SYN3: variants seen among roughly 807,000 people sequenced by gnomAD.
The protein encoded by SYN3 is synapsin III, also known as synapsin-3.
Under a neutral mutation model 65.8 loss-of-function variants are expected in SYN3, and 35 were observed. That is an observed-to-expected ratio of 0.53 (90% CI 0.41 to 0.70). SYN3 has a LOEUF of 0.70. SYN3 is among the 30% of genes least tolerant of loss of function. The pLI is 0.00. For synonymous variants in SYN3, 270 were observed against 292.9 expected, an observed-to-expected ratio of 0.92 and a Z score of 0.80; for missense variants, 680 against 749.0, an observed-to-expected ratio of 0.91 and a Z score of 1.08.
At chr22:32,802,245 G>A (rs2046608947) in intron 6 of SYN3, 3 of 1,394,712 alleles carry the variant, frequency 2.2e-6, no homozygotes, top group South Asian at 2.8e-5. Flanking sequence ...CGGGGTTGGG[G>A]CGGAGTGGAG....
At chr22:32,944,197 G>A (rs1330074789) in intron 3 of SYN3, among the ~76,000 whole-genome samples, 1 of 152,158 alleles carries the variant, frequency 6.6e-6, no homozygotes, top group African/African-American at 2.4e-5. Context: ...ATAGTTGGAA[G>A]TAAAGCACTC....
chr22:32,831,099 A>G (rs917175800), intron 6 of SYN3, among the ~76,000 whole-genome samples: 2 of 152,190 alleles, frequency 1.3e-5, no homozygotes, highest in African/African-American at 2.4e-5. Context: ...GGCTAGGTTC[A>G]GGTTGGGCTG....
At chr22:32,885,515 C>T (rs62234167) in intron 4 of SYN3, among the ~76,000 whole-genome samples, 8,896 of 152,042 alleles carry the variant, frequency 0.059, 287 homozygotes, top group Middle Eastern at 0.099. Context: ...AGAATCCTCC[C>T]GGCAGGTACA....
chr22:32,544,997 C>T (rs2058315677), intron 7 of SYN3, among the ~76,000 whole-genome samples: 3 of 152,232 alleles, frequency 2.0e-5, no homozygotes, highest in South Asian at 2.1e-4. Flanking sequence ...TCTCTCCTCT[C>T]CCTGGCATCT....
At position 32,648,416 on chromosome 22, in the gene SYN3, A is replaced by T. The variant is rs142780874; in HGVS notation, c.712-51680T>A. On this transcript the variant is annotated intron_variant, in intron 6 of 13. Coordinates refer to ENST00000358763, the MANE Select transcript of SYN3 (RefSeq NM_003490.4). ...AATAGGTTTATTGAAGATAAAACTT[A>T]AAAATATCAATAATTATATGAATTA... Among the ~76,000 whole-genome samples the T allele has an allele frequency of 2.8e-3, 420 of 152,356 alleles. 2 individuals are homozygous for T. The highest frequency in any genetic ancestry group is 9.4e-3 in the African/African-American group (390 of 41,580).
chr22:32,871,806 T>A lies in SYN3; in HGVS notation c.462-2681A>T, dbSNP rs900439988. 2.0e-5 allele frequency among the ~76,000 whole-genome samples: 3 copies of A among 152,040 alleles called. No homozygotes were observed. In the East Asian group the frequency reaches 5.8e-4, roughly 29 times the overall value. ...AATTTATTTTATTATTATTTTTTATTTTTTGTAGAGATGAGATTTTGCTGT... is the reference window on the plus strand; with the variant it reads ...AATTTATTTTATTATTATTTTTTATATTTTGTAGAGATGAGATTTTGCTGT... On this transcript the variant is annotated intron_variant, in intron 4 of 13. Coordinates refer to ENST00000358763, the MANE Select transcript of SYN3 (RefSeq NM_003490.4).
chr22:32,850,808 T>C (rs1055390781), intron 6 of SYN3, among the ~76,000 whole-genome samples: 1 of 152,066 alleles, frequency 6.6e-6, no homozygotes, highest in Non-Finnish European at 1.5e-5. Context: ...CCCACAGGCC[T>C]GGAAACTCCC....
intron 3 of SYN3, among the ~76,000 whole-genome samples, chr22:32,977,565 GA>G (rs2052239562): frequency 6.6e-6 from 1 of 152,006 alleles, no homozygotes; most frequent in Non-Finnish European, 1.5e-5. Context: ...ACAACATGGT[GA>G]AACCCCATCT....
chr22:32,830,963 C>T (rs1350423962), intron 6 of SYN3, among the ~76,000 whole-genome samples: 2 of 151,152 alleles, frequency 1.3e-5, no homozygotes, highest in Admixed American at 6.6e-5. Context: ...GTTTTTTTTT[C>T]CCCAACCAGG....
intron 6 of SYN3, among the ~76,000 whole-genome samples, chr22:32,597,006 T>C (rs1332195976): frequency 6.6e-6 from 1 of 152,096 alleles, no homozygotes. Context: ...ACCAACTGGT[T>C]TCCAATCTTG....
intron 6 of SYN3, among the ~76,000 whole-genome samples, chr22:32,805,532 A>G (rs553040785): frequency 4.9e-4 from 74 of 152,252 alleles, no homozygotes; most frequent in African/African-American, 1.8e-3. Context: ...CCATGGAAGG[A>G]GGAGAGCTGC....
chr22:32,991,338 AAATAATAAT>A (rs60884096), intron 2 of SYN3, among the ~76,000 whole-genome samples: 67 of 142,610 alleles, frequency 4.7e-4, no homozygotes, highest in South Asian at 9.0e-4. Context: ...ACTCCATCTC[AAATAATAAT>A]AATAATAATA....
intron 6 of SYN3, among the ~76,000 whole-genome samples, chr22:32,704,579 A>T (rs1417193179): frequency 6.6e-6 from 1 of 152,212 alleles, no homozygotes; most frequent in Non-Finnish European, 1.5e-5. Flanking sequence ...TTGGGTATAT[A>T]CCCAATAATG....
At chr22:32,997,155 T>C (rs2052905212) in intron 2 of SYN3, among the ~76,000 whole-genome samples, 1 of 152,238 alleles carries the variant, frequency 6.6e-6, no homozygotes, top group East Asian at 1.9e-4. Context: ...TAGCATTTGC[T>C]TTGATTTTGG....
chr22:32,676,528 C>CTTTTTTTTTTTTTTTTT (rs879196572), intron 6 of SYN3, among the ~76,000 whole-genome samples: 4 of 88,932 alleles, frequency 4.5e-5, no homozygotes, highest in Non-Finnish European at 8.0e-5. Flanking sequence ...TCTTTTCTTT[C>CTTTTTTTTTTTTTTTTT]TTTTTTTTTT....
chr22:32,515,331 AT>A (rs746474895), intron 13 of SYN3, among the ~76,000 whole-genome samples: 3 of 152,352 alleles, frequency 2.0e-5, no homozygotes, highest in Non-Finnish European at 4.4e-5. Flanking sequence ...TGGCAGCAGC[AT>A]TCTAAGCACC....
chr22:32,650,261 CT>C (rs2060048866), intron 6 of SYN3, among the ~76,000 whole-genome samples: 4 of 107,322 alleles, frequency 3.7e-5, no homozygotes, highest in South Asian at 2.8e-4. Flanking sequence ...CTCCCTCCCT[CT>C]CTCTCTCTCT....
intron 6 of SYN3, among the ~76,000 whole-genome samples, chr22:32,766,230 C>T (rs569747445): frequency 1.3e-5 from 2 of 152,240 alleles, no homozygotes; most frequent in South Asian, 4.2e-4. Flanking sequence ...GTGCTGAGCA[C>T]CTTTTGTGCT....
intron 7 of SYN3, among the ~76,000 whole-genome samples, chr22:32,555,886 G>A (rs2058488211): frequency 6.6e-6 from 1 of 152,176 alleles, no homozygotes; most frequent in Non-Finnish European, 1.5e-5. Context: ...TTACCTCCCA[G>A]GAAATTCTTA....
Sources: gnomAD v4.1 joint callset for allele counts (sites outside exome capture counted in the v4.1 genomes callset) on GRCh38, gnomAD v4.1.1 for gene constraint, MANE v1.5 for transcripts, NCBI Gene and HGNC (gene_info 2026-07-23, HGNC 2026-07-21) for gene names.